ST18: variants seen among roughly 807,000 people sequenced by gnomAD.
ST18 encodes ST18 C2H2C-type zinc finger transcription factor, also known as suppression of tumorigenicity 18 protein.
Under a neutral mutation model 110.0 loss-of-function variants are expected in ST18, and 50 were observed. The ratio of observed to expected loss-of-function variants is 0.45; its 90% CI spans 0.36 to 0.58. The LOEUF (loss-of-function observed/expected upper bound fraction) is 0.58, where lower values mean the gene tolerates loss of function less well. ST18 is among the 20% of genes least tolerant of loss of function. The pLI, the probability that ST18 is intolerant of heterozygous loss-of-function variation, is 0.00. For missense variants in ST18, 1,306 were observed against 1,280.1 expected (o/e 1.02, Z -0.31); for synonymous variants, 461 against 452.4 (o/e 1.02, Z -0.24).
intron 16 of ST18, among the ~76,000 whole-genome samples, chr8:52,143,345 C>T (rs1022237484): frequency 6.6e-5 from 10 of 152,034 alleles, no homozygotes; most frequent in Admixed American, 3.9e-4. Flanking sequence ...ATTTGCTGGA[C>T]GCTGTGGTGC....
intron 8 of ST18, among the ~76,000 whole-genome samples, chr8:52,210,833 G>A (rs994129970): frequency 6.6e-6 from 1 of 152,080 alleles, no homozygotes; most frequent in African/African-American, 2.4e-5. Flanking sequence ...ATGAACCAAG[G>A]CTATGACGGA....
chr8:52,360,787 T>A (rs976454003), intron 2 of ST18, among the ~76,000 whole-genome samples: 22 of 152,206 alleles, frequency 1.4e-4, no homozygotes, highest in African/African-American at 5.3e-4. Flanking sequence ...GGGAGTTATT[T>A]AATGCCCAGT....
At chr8:52,268,468 C>CT (rs57241279) in intron 2 of ST18, among the ~76,000 whole-genome samples, 135 of 148,722 alleles carry the variant, frequency 9.1e-4, no homozygotes, top group African/African-American at 2.8e-3. Flanking sequence ...ATCTATCTAT[C>CT]ATCTATCTAT....
intron 2 of ST18, among the ~76,000 whole-genome samples, chr8:52,352,930 C>G (rs999332885): frequency 6.6e-6 from 1 of 152,174 alleles, no homozygotes; most frequent in Non-Finnish European, 1.5e-5. Context: ...AAGGGTCAAA[C>G]TGAAGTTCAG....
intron 17 of ST18, among the ~76,000 whole-genome samples, chr8:52,139,501 G>A (rs1389705881): frequency 2.0e-5 from 3 of 151,974 alleles, no homozygotes; most frequent in African/African-American, 2.4e-5. Flanking sequence ...GATTACAGGC[G>A]TGTACCACCA....
chr8:52,374,361 G>A lies in ST18; in HGVS notation c.-465+34967C>T, dbSNP rs184332805. 3.5e-3 allele frequency among the ~76,000 whole-genome samples: 530 copies of A among 152,144 alleles called. 8 individuals are homozygous for A. Among genetic ancestry groups the A allele is most frequent in the African/African-American group, 0.012 (511 of 41,520 alleles). On this transcript the variant is annotated intron_variant, in intron 2 of 25. Coordinates refer to ENST00000689386, the MANE Select transcript of ST18 (RefSeq NM_001352837.2). ...CATCTAGAAGCCGGGGAACACAGAG[G>A]AGCACTGGCAGCCGCCAGCAGTGGG...
chr8:52,181,838 C>A (rs898051689), intron 8 of ST18, among the ~76,000 whole-genome samples: 2 of 152,082 alleles, frequency 1.3e-5, no homozygotes, highest in Non-Finnish European at 1.5e-5. Context: ...GCGGAAACAC[C>A]TTTACGCTTG....
intron 7 of ST18, among the ~76,000 whole-genome samples, chr8:52,213,442 G>A (rs190327004): frequency 4.9e-5 from 7 of 141,418 alleles, no homozygotes; most frequent in Non-Finnish European, 1.5e-5. Context: ...TCTGTGAGGT[G>A]GACTCTGAGG....
chr8:52,354,333 C>A (rs112051381), intron 2 of ST18, among the ~76,000 whole-genome samples: 1 of 152,202 alleles, frequency 6.6e-6, no homozygotes, highest in African/African-American at 2.4e-5. Context: ...TTGCCTCGAC[C>A]GAGTAAAGTC....
At chr8:52,391,907 A>C (rs527974125) in intron 2 of ST18, among the ~76,000 whole-genome samples, 1 of 152,310 alleles carries the variant, frequency 6.6e-6, no homozygotes, top group African/African-American at 2.4e-5. Context: ...GGAAAAGGGA[A>C]GAAGGGCACT....
chr8:52,360,966 C>T (rs919244885), intron 2 of ST18, among the ~76,000 whole-genome samples: 1 of 152,162 alleles, frequency 6.6e-6, no homozygotes, highest in Non-Finnish European at 1.5e-5. Flanking sequence ...TTTCTCCAAT[C>T]TTCTTAAACT....
Position 52,279,941 on chromosome 8 carries a change from G to A in ST18, c.-464-49864C>T, listed in dbSNP as rs537744764. Among the ~76,000 whole-genome samples, 4 of 152,254 alleles carry A rather than the reference G, an allele frequency of 2.6e-5. No individual in the cohort carries two copies. The East Asian group carries it at 7.7e-4, about 29-fold the overall frequency. ...AAAGCAATGATGATTGGAGAGGAGGGTTACTAAGTGGGCTAAACAGATACC... is the reference window on the plus strand; with the variant it reads ...AAAGCAATGATGATTGGAGAGGAGGATTACTAAGTGGGCTAAACAGATACC... On this transcript the variant is annotated intron_variant, in intron 2 of 25. Coordinates refer to ENST00000689386, the MANE Select transcript of ST18 (RefSeq NM_001352837.2).
At chr8:52,275,272 G>C (rs57259872) in intron 2 of ST18, among the ~76,000 whole-genome samples, 1,645 of 152,242 alleles carry the variant, frequency 0.011, 34 homozygotes, top group African/African-American at 0.037. Flanking sequence ...GTGACCTTGT[G>C]AATAGTGACA....
At chr8:52,216,856 T>C (rs1047087978) in intron 6 of ST18, among the ~76,000 whole-genome samples, 4 of 152,176 alleles carry the variant, frequency 2.6e-5, no homozygotes, top group African/African-American at 9.7e-5. Flanking sequence ...AAGTAATGGA[T>C]CATTAGAAGT....
At chr8:52,219,693 G>C (rs1193644133) in intron 5 of ST18, among the ~76,000 whole-genome samples, 1 of 151,998 alleles carries the variant, frequency 6.6e-6, no homozygotes, top group African/African-American at 2.4e-5. Context: ...CTGGGAAGCA[G>C]ATCTTCCTGA....
Position 52,149,679 on chromosome 8 carries a change from T to C in ST18, c.2052+53A>G. ...TAATTTAGGAGGGAAAAGCTAGTGA[T>C]ACCCTGCAATCATGCTGTCTTCAAC... On this transcript the variant is annotated intron_variant, in intron 16 of 25. Coordinates refer to ENST00000689386, the MANE Select transcript of ST18 (RefSeq NM_001352837.2). The C allele has an allele frequency of 5.7e-6, 9 of 1,571,416 alleles. 1 individual carries two copies. In the South Asian group the frequency reaches 1.1e-4, roughly 19 times the overall value.
At chr8:52,173,546 A>T (rs1311057664) in intron 9 of ST18, among the ~76,000 whole-genome samples, 1 of 152,166 alleles carries the variant, frequency 6.6e-6, no homozygotes, top group Non-Finnish European at 1.5e-5. Flanking sequence ...TATAGACAAC[A>T]ATGAGCCTAC....
intron 14 of ST18, 108 bp downstream of exon 14, chr8:52,161,267 G>C (rs2061382010): frequency 9.2e-7 from 1 of 1,083,644 alleles, no homozygotes; most frequent in Non-Finnish European, 1.3e-6. Flanking sequence ...CCTGCCAGCT[G>C]TATGTAGTAT....
chr8:52,140,939 C>G (rs1185663802), intron 17 of ST18, among the ~76,000 whole-genome samples: 1 of 152,018 alleles, frequency 6.6e-6, no homozygotes, highest in Non-Finnish European at 1.5e-5. Context: ...AACAGCAGGT[C>G]CATGTGGGAA....
Sources: allele counts gnomAD v4.1 joint callset (sites outside exome capture counted in the v4.1 genomes callset), GRCh38; gene constraint gnomAD v4.1.1; transcripts MANE v1.5; gene names NCBI Gene and HGNC (gene_info 2026-07-23, HGNC 2026-07-21).